The following PLCB1 variants were observed in gnomAD, a reference collection of about 807,000 sequenced individuals.
PLCB1 encodes the protein 1-phosphatidylinositol 4,5-bisphosphate phosphodiesterase beta-1.
Under a neutral mutation model 161.8 loss-of-function variants are expected in PLCB1, and 46 were observed. The ratio of observed to expected loss-of-function variants is 0.28; its 90% CI spans 0.22 to 0.36. The LOEUF (loss-of-function observed/expected upper bound fraction) is 0.36, where lower values mean the gene tolerates loss of function less well. PLCB1 is among the 10% of genes least tolerant of loss of function. The probability of loss-of-function intolerance (pLI) is 1.00; values close to 1 mark genes in which losing one functional copy is unlikely to be tolerated. For missense variants in PLCB1, 1,016 were observed against 1,472.5 expected (o/e 0.69, Z 5.07); for synonymous variants, 517 against 503.7 (o/e 1.03, Z -0.35).
chr20:8,483,929 A>G (rs1009881091), intron 3 of PLCB1, among the ~76,000 whole-genome samples: 13 of 152,320 alleles, frequency 8.5e-5, no homozygotes, highest in African/African-American at 3.1e-4. Context: ...AAAACAAAAC[A>G]CAAATGCACA....
intron 9 of PLCB1, among the ~76,000 whole-genome samples, chr20:8,681,119 T>TATATATAG (rs1485697576): frequency 1.2e-5 from 1 of 82,094 alleles, no homozygotes; most frequent in Non-Finnish European, 2.2e-5. Flanking sequence ...TATATATATA[T>TATATATAG]AATATATATA....
At chr20:8,699,107 G>A (rs1336916368) in intron 11 of PLCB1, among the ~76,000 whole-genome samples, 11 of 152,126 alleles carry the variant, frequency 7.2e-5, no homozygotes, top group Admixed American at 5.2e-4. Context: ...CGCTGACTCC[G>A]GCTTTCTCAC....
At chr20:8,139,702 C>T (rs1229379912) in intron 1 of PLCB1, among the ~76,000 whole-genome samples, 8 of 152,166 alleles carry the variant, frequency 5.3e-5, no homozygotes, top group East Asian at 3.9e-4. Flanking sequence ...AACCATAGAG[C>T]GAATCAGCAA....
intron 19 of PLCB1, among the ~76,000 whole-genome samples, chr20:8,733,975 A>AT (rs397935046): frequency 6.8e-6 from 1 of 147,484 alleles, no homozygotes; most frequent in African/African-American, 2.5e-5. Flanking sequence ...ACAAAAAAAA[A>AT]CAATTAGCCG....
intron 2 of PLCB1, among the ~76,000 whole-genome samples, chr20:8,339,250 A>G (rs1985708273): frequency 6.6e-6 from 1 of 152,152 alleles, no homozygotes; most frequent in South Asian, 2.1e-4. Context: ...GTCACTTTAT[A>G]TCTCACCAGG....
chr20:8,183,134 G>A (rs538837738), intron 2 of PLCB1, among the ~76,000 whole-genome samples: 2 of 152,132 alleles, frequency 1.3e-5, no homozygotes, highest in Non-Finnish European at 2.9e-5. Flanking sequence ...TTGTTATGTG[G>A]CAGTGTTGCG....
chr20:8,632,052 T>G (rs866168416), intron 4 of PLCB1, among the ~76,000 whole-genome samples: 2,024 of 140,478 alleles, frequency 0.014, 53 homozygotes, highest in African/African-American at 0.05. Context: ...TTTTTTTTTT[T>G]TTTTTTTTTT....
chr20:8,196,138 T>C (rs2052021696), intron 2 of PLCB1, among the ~76,000 whole-genome samples: 2 of 152,070 alleles, frequency 1.3e-5, no homozygotes, highest in Non-Finnish European at 2.9e-5. Flanking sequence ...GGCCCCTCCC[T>C]TGACACATGG....
intron 9 of PLCB1, among the ~76,000 whole-genome samples, chr20:8,661,145 T>C (rs1445111600): frequency 1.3e-5 from 2 of 152,158 alleles, no homozygotes; most frequent in African/African-American, 4.8e-5. Context: ...TGTCCATTTT[T>C]TCTAGGAGAT....
chr20:8,709,908 A>T (rs1978900697), intron 12 of PLCB1, among the ~76,000 whole-genome samples: 1 of 152,160 alleles, frequency 6.6e-6, no homozygotes, highest in African/African-American at 2.4e-5. Context: ...TTCTGTTCTT[A>T]CTCAAAGGGG....
chr20:8,236,345 A>G (rs1280618524), intron 2 of PLCB1, among the ~76,000 whole-genome samples: 1 of 152,038 alleles, frequency 6.6e-6, no homozygotes, highest in South Asian at 2.1e-4. Flanking sequence ...AGCCCAGATA[A>G]CATAGTGAGA....
At chr20:8,252,708 C>T (rs1472683677) in intron 2 of PLCB1, among the ~76,000 whole-genome samples, 4 of 130,880 alleles carry the variant, frequency 3.1e-5, no homozygotes, top group Non-Finnish European at 5.0e-5. Flanking sequence ...CTGTCCCTTA[C>T]TCACCCCTGC....
chr20:8,331,359 T>C (rs1362067557), intron 2 of PLCB1, among the ~76,000 whole-genome samples: 2 of 152,218 alleles, frequency 1.3e-5, no homozygotes, highest in African/African-American at 2.4e-5. Context: ...GTTTTTTTTT[T>C]TTTTTCTATG....
chr20:8,328,383 G>C (rs900127084), intron 2 of PLCB1, among the ~76,000 whole-genome samples: 2 of 152,020 alleles, frequency 1.3e-5, no homozygotes, highest in Non-Finnish European at 2.9e-5. Flanking sequence ...GCAGATGCTG[G>C]AGTTGCTGGT....
At chr20:8,185,200 C>T (rs1316460915) in intron 2 of PLCB1, among the ~76,000 whole-genome samples, 1 of 152,106 alleles carries the variant, frequency 6.6e-6, no homozygotes, top group Non-Finnish European at 1.5e-5. Flanking sequence ...GTGATATCTA[C>T]CAAAACTACA....
At chr20:8,149,416 A>G (rs1387938186) in intron 1 of PLCB1, among the ~76,000 whole-genome samples, 1 of 152,160 alleles carries the variant, frequency 6.6e-6, no homozygotes, top group Non-Finnish European at 1.5e-5. Flanking sequence ...TAGGAAGAAA[A>G]AAGTCCCAAA....
chr20:8,532,214 C>CAATCAATCTACAT (rs1984841442), intron 3 of PLCB1, among the ~76,000 whole-genome samples: 2 of 152,158 alleles, frequency 1.3e-5, no homozygotes, highest in Non-Finnish European at 1.5e-5. Context: ...AGCGTTTAAA[C>CAATCAATCTACAT]TGGGAACGTA....
At chr20:8,676,734 A>G (rs895249715) in intron 9 of PLCB1, among the ~76,000 whole-genome samples, 1 of 152,194 alleles carries the variant, frequency 6.6e-6, no homozygotes, top group Admixed American at 6.5e-5. Flanking sequence ...CAGAAATCCA[A>G]TCAGCTTTTT....
chr20:8,138,029 C>G (rs2051366230), intron 1 of PLCB1, among the ~76,000 whole-genome samples: 1 of 152,210 alleles, frequency 6.6e-6, no homozygotes, highest in Non-Finnish European at 1.5e-5. Context: ...AAGGAGCAAA[C>G]AGTTCAACAA....
Sources: gnomAD v4.1 joint callset for allele counts (sites outside exome capture counted in the v4.1 genomes callset) on GRCh38, gnomAD v4.1.1 for gene constraint, MANE v1.5 for transcripts, NCBI Gene and HGNC (gene_info 2026-07-23, HGNC 2026-07-21) for gene names.